ZNF280C: variants seen among roughly 807,000 people sequenced by gnomAD.
ZNF280C encodes the protein suppressor of hairy wing homolog 3.
A neutral mutation model predicts 53.6 loss-of-function variants in ZNF280C; 14 were observed. That is an observed-to-expected ratio of 0.26 (90% confidence interval 0.17 to 0.41). The LOEUF is 0.41. Among genes scored for constraint, ZNF280C ranks in the 10% least tolerant of loss-of-function variants. The pLI, the probability that ZNF280C is intolerant of heterozygous loss-of-function variation, is 1.00. For missense variants in ZNF280C, 416 were observed against 547.1 expected (o/e 0.76, Z 2.39); for synonymous variants, 203 against 181.1 (o/e 1.12, Z -0.97).
intron 2 of ZNF280C, among the ~76,000 whole-genome samples, chrX:130,258,108 A>C: frequency 9.0e-6 from 1 of 111,379 alleles, no homozygotes; most frequent in East Asian, 2.8e-4. Flanking sequence ...ACAGTGCTAG[A>C]CTCTGTCTCA....
intron 8 of ZNF280C, among the ~76,000 whole-genome samples, chrX:130,232,809 G>T (rs1271612732): frequency 8.9e-6 from 1 of 112,049 alleles, no homozygotes; most frequent in African/African-American, 3.2e-5. Context: ...ACTACCATAT[G>T]ATCCAGTAAT....
At chrX:130,231,770 T>C (rs966927562) in intron 8 of ZNF280C, among the ~76,000 whole-genome samples, 83 of 111,368 alleles carry the variant, frequency 7.5e-4, no homozygotes, top group African/African-American at 2.6e-3. Flanking sequence ...CTCATGCCTA[T>C]AATCCCAGCA....
chrX:130,222,004 C>T (rs1326433158), intron 12 of ZNF280C, among the ~76,000 whole-genome samples: 2 of 111,168 alleles, frequency 1.8e-5, no homozygotes, highest in Non-Finnish European at 1.9e-5. Context: ...GTTTACTGTG[C>T]TCCAGCCACA....
At position 130,203,797 on chromosome X, in the gene ZNF280C, GA is replaced by G. The variant is rs2031940998; in HGVS notation, c.*1179del. 8.9e-6 allele frequency: 1 copy of G among 112,132 alleles called. No homozygotes were observed. Among genetic ancestry groups the G allele is most frequent in the Admixed American group, 9.5e-5 (1 of 10,522 alleles). The allele number at this position is 112,132 out of a possible 1,213,427, so 9.2% of individuals were successfully genotyped here. On this transcript the variant is annotated 3_prime_UTR_variant, in exon 19 of 19. Transcript: ENST00000370978. ...AGAAATTTTGTTTTTCCAAAAACAA[GA>G]AAGTAACCTTGGTTCCCAATACAAC... is the stretch of plus-strand genomic sequence containing the variant.
intron 1 of ZNF280C, among the ~76,000 whole-genome samples, chrX:130,260,998 A>G (rs1464136436): frequency 8.9e-6 from 1 of 112,466 alleles, no homozygotes; most frequent in Non-Finnish European, 1.9e-5. Flanking sequence ...TATTATTACT[A>G]TAAGAAAACA....
At chrX:130,255,025 TAA>T (rs1190062528) in intron 2 of ZNF280C, among the ~76,000 whole-genome samples, 6 of 87,731 alleles carry the variant, frequency 6.8e-5, no homozygotes, top group Non-Finnish European at 6.8e-5. Flanking sequence ...AAAATTCAGT[TAA>T]AAAAAAAAAA....
chrX:130,240,991 T>C (rs1283807855), intron 5 of ZNF280C, among the ~76,000 whole-genome samples: 1 of 112,018 alleles, frequency 8.9e-6, no homozygotes, highest in Non-Finnish European at 1.9e-5. Flanking sequence ...AAAGACCTAA[T>C]ATTATCTCAC....
At chrX:130,265,228 G>C (rs2032675552) in intron 1 of ZNF280C, among the ~76,000 whole-genome samples, 1 of 111,614 alleles carries the variant, frequency 9.0e-6, no homozygotes, top group African/African-American at 3.2e-5. Context: ...TTTACACTAA[G>C]ATTTAAAACT....
intron 10 of ZNF280C, among the ~76,000 whole-genome samples, chrX:130,228,617 CTTTTTTTTT>C (rs35926660): frequency 1.7e-5 from 1 of 58,411 alleles, no homozygotes; most frequent in Non-Finnish European, 2.8e-5. Context: ...TTTTCTTCTA[CTTTTTTTTT>C]TTTTTTTTTT....
intron 1 of ZNF280C, among the ~76,000 whole-genome samples, chrX:130,265,980 T>C (rs2032684346): frequency 8.9e-6 from 1 of 111,942 alleles, no homozygotes; most frequent in African/African-American, 3.2e-5. Context: ...TTCTTTTCAC[T>C]TAAAACTTAA....
At chrX:130,254,675 CAT>C (rs775136854) in intron 2 of ZNF280C, among the ~76,000 whole-genome samples, 11 of 111,359 alleles carry the variant, frequency 9.9e-5, no homozygotes, top group Middle Eastern at 4.7e-3. Flanking sequence ...CCTAATACCA[CAT>C]GTTATCACTT....
intron 13 of ZNF280C, 93 bp downstream of exon 13, chrX:130,220,256 A>C: frequency 1.1e-5 from 9 of 833,200 alleles, no homozygotes; most frequent in Non-Finnish European, 1.4e-5. Flanking sequence ...TTCTAACACT[A>C]GATCTTATTC....
intron 10 of ZNF280C, among the ~76,000 whole-genome samples, chrX:130,228,736 G>A (rs1036394375): frequency 2.9e-5 from 3 of 104,348 alleles, no homozygotes; most frequent in Non-Finnish European, 5.8e-5. Flanking sequence ...GAACTCATGG[G>A]CTCAAGTGAT....
At chrX:130,232,410 T>C (rs1328821418) in intron 8 of ZNF280C, among the ~76,000 whole-genome samples, 2 of 109,278 alleles carry the variant, frequency 1.8e-5, no homozygotes, top group Admixed American at 1.0e-4. Context: ...AAGAATTCTC[T>C]AAGAATAACT....
intron 2 of ZNF280C, among the ~76,000 whole-genome samples, chrX:130,255,137 T>C (rs1264637659): frequency 9.4e-6 from 1 of 106,341 alleles, no homozygotes; most frequent in African/African-American, 3.4e-5. Flanking sequence ...TTTTCTTTTT[T>C]TTTCTTTTTT....
intron 8 of ZNF280C, among the ~76,000 whole-genome samples, chrX:130,232,088 A>G (rs1022349113): frequency 3.7e-5 from 4 of 108,152 alleles, no homozygotes; most frequent in African/African-American, 1.4e-4. Context: ...TTGATTATCA[A>G]ATAACACAGT....
At position 130,215,906 on chromosome X, in the gene ZNF280C, C is replaced by T. The variant is rs1182454785; in HGVS notation, c.1723G>A (p.Val575Ile). The T allele has an allele frequency of 8.3e-7, 1 of 1,208,145 alleles. No individual in the cohort carries two copies. The highest frequency in any genetic ancestry group is 1.8e-5 in the South Asian group (1 of 56,887). ...LHATTSTASK[V>I]NTSKPRGRIA... is the part of the protein sequence containing the mutation. The stretch of plus-strand genomic sequence containing the variant: ...CGTCCCCTTGGCTTACTTGTATTAA[C>T]TTTACTTGCAGTGGATGTAGTTGCA... The change falls in exon 14 of 19, where the codon GTT (valine) becomes ATT (isoleucine). Residue 575 changes from valine to isoleucine, a missense_variant. Physicochemically the swap from Val to Ile is conservative, Grantham distance 29. This residue lies in a region of ZNF280C where 151 missense variants were observed against 176.9 expected (regional missense o/e 0.85). Transcript: ENST00000370978.
intron 15 of ZNF280C, among the ~76,000 whole-genome samples, chrX:130,214,436 C>G (rs1280777021): frequency 9.0e-6 from 1 of 111,215 alleles, no homozygotes; most frequent in African/African-American, 3.3e-5. Flanking sequence ...ATGCGGGAGA[C>G]AGAGACAGGA....
chrX:130,240,432 G>A (rs1211058127), intron 5 of ZNF280C, among the ~76,000 whole-genome samples: 1 of 111,523 alleles, frequency 9.0e-6, no homozygotes, highest in African/African-American at 3.3e-5. Flanking sequence ...TAAAGATTTT[G>A]CTTGCTTGTT....
Sources: allele counts gnomAD v4.1 joint callset (sites outside exome capture counted in the v4.1 genomes callset), GRCh38; gene constraint gnomAD v4.1.1; regional missense constraint gnomAD v4.1.1; transcripts MANE v1.5; gene names NCBI Gene and HGNC (gene_info 2026-07-23, HGNC 2026-07-21).